Variants in THSD7A observed in about 807,000 individuals in gnomAD.
THSD7A encodes the protein thrombospondin type 1 domain containing 7A.
Under a neutral mutation model 231.3 loss-of-function variants are expected in THSD7A, and 96 were observed. The observed-to-expected ratio is 0.41, with a 90% CI of 0.35 to 0.49. The LOEUF (loss-of-function observed/expected upper bound fraction) is 0.49. Among genes scored for constraint, THSD7A ranks in the 20% least tolerant of loss-of-function variants. The pLI, the probability that THSD7A is intolerant of heterozygous loss-of-function variation, is 0.05. For synonymous variants in THSD7A, 940 were observed against 743.3 expected, an observed-to-expected ratio of 1.26 and a Z score of -4.30; for missense variants, 2,290 against 2,070.2, an observed-to-expected ratio of 1.11 and a Z score of -2.06.
At chr7:11,447,523 C>T in intron 11 of THSD7A, 99 bp from the exon 12 acceptor site, 1 of 1,023,080 alleles carries the variant, frequency 9.8e-7, no homozygotes, top group Non-Finnish European at 1.4e-6. Flanking sequence ...TCAGAGAAAG[C>T]CTCTTGTAGT....
chr7:11,759,852 C>A (rs2128167690), intron 1 of THSD7A, among the ~76,000 whole-genome samples: 1 of 152,098 alleles, frequency 6.6e-6, no homozygotes, highest in East Asian at 1.9e-4. Context: ...ACTGCATATT[C>A]TCATTAATAG....
At chr7:11,735,254 T>C (rs1781876312) in intron 1 of THSD7A, among the ~76,000 whole-genome samples, 1 of 151,910 alleles carries the variant, frequency 6.6e-6, no homozygotes, top group Non-Finnish European at 1.5e-5. Flanking sequence ...TATGGTGTTA[T>C]AGTAATATAA....
intron 1 of THSD7A, among the ~76,000 whole-genome samples, chr7:11,653,278 A>G (rs1782576643): frequency 6.6e-6 from 1 of 151,840 alleles, no homozygotes; most frequent in East Asian, 1.9e-4. Context: ...GAACACATAA[A>G]TAGTACCCAT....
At chr7:11,414,725 G>C (rs1201184380) in intron 17 of THSD7A, among the ~76,000 whole-genome samples, 1 of 152,156 alleles carries the variant, frequency 6.6e-6, no homozygotes, top group Non-Finnish European at 1.5e-5. Context: ...AGCCTCCATG[G>C]ACTTTTTAAG....
At chr7:11,526,433 G>C (rs1388849750) in intron 6 of THSD7A, among the ~76,000 whole-genome samples, 1 of 152,146 alleles carries the variant, frequency 6.6e-6, no homozygotes, top group South Asian at 2.1e-4. Flanking sequence ...GGCACATTGA[G>C]CATGTCTCTA....
chr7:11,633,584 C>T (rs1028359946), intron 2 of THSD7A, among the ~76,000 whole-genome samples: 1 of 152,128 alleles, frequency 6.6e-6, no homozygotes, highest in East Asian at 1.9e-4. Context: ...ACACATAATG[C>T]CCTTCTAAGT....
chr7:11,639,465 C>T (rs546428744), intron 1 of THSD7A, among the ~76,000 whole-genome samples: 5 of 152,034 alleles, frequency 3.3e-5, no homozygotes, highest in East Asian at 1.9e-4. Context: ...GTCAGGAGAT[C>T]GAGACCATCC....
intron 1 of THSD7A, among the ~76,000 whole-genome samples, chr7:11,775,900 T>C (rs961720825): frequency 6.6e-6 from 1 of 152,228 alleles, no homozygotes; most frequent in Non-Finnish European, 1.5e-5. Flanking sequence ...TTCCATAAAT[T>C]AATTACTAAC....
chr7:11,779,243 C>A (rs1196710383), intron 1 of THSD7A, among the ~76,000 whole-genome samples: 3 of 152,144 alleles, frequency 2.0e-5, no homozygotes, highest in Non-Finnish European at 4.4e-5. Flanking sequence ...AGTTCATCCA[C>A]CTTTCAGAAA....
intron 1 of THSD7A, among the ~76,000 whole-genome samples, chr7:11,703,659 T>C (rs1780674502): frequency 6.6e-6 from 1 of 151,298 alleles, no homozygotes; most frequent in African/African-American, 2.4e-5. Context: ...AATATTAAAA[T>C]TAAAATGTAC....
intron 2 of THSD7A, among the ~76,000 whole-genome samples, chr7:11,611,061 A>G (rs1780904975): frequency 6.6e-6 from 1 of 152,184 alleles, no homozygotes; most frequent in African/African-American, 2.4e-5. Flanking sequence ...ATTAAAGTAT[A>G]AATGGGAAAT....
At chr7:11,826,598 G>A (rs572862690) in intron 1 of THSD7A, among the ~76,000 whole-genome samples, 2 of 152,230 alleles carry the variant, frequency 1.3e-5, no homozygotes, top group Admixed American at 6.5e-5. Flanking sequence ...GATCACCTGA[G>A]GTCAGGAGTT....
At chr7:11,569,196 T>A (rs527612072) in intron 4 of THSD7A, among the ~76,000 whole-genome samples, 9 of 152,102 alleles carry the variant, frequency 5.9e-5, no homozygotes, top group Non-Finnish European at 1.3e-4. Context: ...GACATTAGAA[T>A]AAAATGTTTC....
intron 1 of THSD7A, among the ~76,000 whole-genome samples, chr7:11,678,096 T>G (rs567197708): frequency 6.6e-6 from 1 of 152,172 alleles, no homozygotes; most frequent in African/African-American, 2.4e-5. Flanking sequence ...GAATGACTAC[T>G]GGGTAAATAA....
At chr7:11,559,974 G>T (rs1381450080) in intron 4 of THSD7A, among the ~76,000 whole-genome samples, 5 of 152,110 alleles carry the variant, frequency 3.3e-5, no homozygotes, top group African/African-American at 1.2e-4. Context: ...ATATTTATAA[G>T]AATGGTTATT....
chr7:11,758,055 C>A (rs951491744), intron 1 of THSD7A, among the ~76,000 whole-genome samples: 2 of 145,268 alleles, frequency 1.4e-5, no homozygotes, highest in African/African-American at 5.0e-5. Flanking sequence ...TCACTTTAAT[C>A]ATCACAAAGC....
At chr7:11,393,160 G>A (rs1356946091) in intron 23 of THSD7A, among the ~76,000 whole-genome samples, 1 of 152,204 alleles carries the variant, frequency 6.6e-6, no homozygotes, top group East Asian at 1.9e-4. Context: ...TCTGGCAGGT[G>A]CCCCTCTGGG....
chr7:11,625,911 TCACTGCCCCGATCAGCAGCAAGGC>T (rs1163408539), intron 2 of THSD7A, among the ~76,000 whole-genome samples: 1 of 152,020 alleles, frequency 6.6e-6, no homozygotes, highest in African/African-American at 2.4e-5. Flanking sequence ...AAATGCAAGG[TCACTGCCCCGATCAGCAGCAAGGC>T]TCCCATAGGA....
intron 1 of THSD7A, among the ~76,000 whole-genome samples, chr7:11,716,111 T>C (rs2128150872): frequency 6.6e-6 from 1 of 151,640 alleles, no homozygotes; most frequent in Non-Finnish European, 1.5e-5. Flanking sequence ...CAATACTACT[T>C]ACCCTTCTTT....
Sources: gnomAD v4.1 joint callset for allele counts (sites outside exome capture counted in the v4.1 genomes callset) on GRCh38, gnomAD v4.1.1 for gene constraint, MANE v1.5 for transcripts, NCBI Gene and HGNC (gene_info 2026-07-23, HGNC 2026-07-21) for gene names.